The following SULT1C2 variants were observed in gnomAD, a reference collection of about 807,000 sequenced individuals.
The protein encoded by SULT1C2 is sulfotransferase 1C2.
Under a neutral mutation model 36.0 loss-of-function variants are expected in SULT1C2, and 27 were observed. That is an observed-to-expected ratio of 0.75 (90% CI 0.55 to 1.03). SULT1C2 has a LOEUF of 1.03. SULT1C2 is among the 50% of genes least tolerant of loss of function. The pLI is 0.00. For synonymous variants in SULT1C2, 121 were observed against 116.0 expected (o/e 1.04, Z -0.27); for missense variants, 395 against 359.2 (o/e 1.10, Z -0.80).
At chr2:108,294,917 A>G (rs767881857) in intron 3 of SULT1C2, among the ~76,000 whole-genome samples, 2 of 152,212 alleles carry the variant, frequency 1.3e-5, no homozygotes, top group Non-Finnish European at 2.9e-5. Context: ...TATAACCAGA[A>G]TGCTATATTT....
At position 108,308,811 on chromosome 2, in the gene SULT1C2, C is replaced by A. The variant is rs1677085017; in HGVS notation, c.*347C>A. ...CATCATAATACCTTGAGTATAAGTC[C>A]AAATATTAGGTTATATCTATATTAA... On this transcript the variant is annotated 3_prime_UTR_variant, in exon 8 of 8. Transcript: ENST00000251481. 1 of 185,018 alleles carries A rather than the reference C, an allele frequency of 5.4e-6. No individual in the cohort carries two copies. The highest frequency in any genetic ancestry group is 2.4e-5 in the African/African-American group (1 of 42,530). The allele number at this position is 185,018 out of a possible 1,614,324, so 11.5% of individuals were successfully genotyped here. A position where few individuals can be genotyped will look rare whatever the true frequency, so the allele number is the denominator to read the frequency against.
chr2:108,303,714 G>A (rs1051746251), intron 4 of SULT1C2: 1 of 152,192 alleles, frequency 6.6e-6, no homozygotes, highest in African/African-American at 2.4e-5. Context: ...TCTTGTGGGT[G>A]GGAGCAAGGG....
intron 3 of SULT1C2, chr2:108,298,937 T>C (rs1286656593): frequency 6.3e-6 from 1 of 158,494 alleles, no homozygotes; most frequent in Non-Finnish European, 1.4e-5. Flanking sequence ...TTCATATCCA[T>C]GCATGTAGTA....
intron 1 of SULT1C2, among the ~76,000 whole-genome samples, chr2:108,289,509 T>C (rs1676539573): frequency 6.6e-6 from 1 of 152,162 alleles, no homozygotes; most frequent in Non-Finnish European, 1.5e-5. Flanking sequence ...AAGCAAGTAA[T>C]TGTAGGACGT....
intron 3 of SULT1C2, chr2:108,299,594 T>C (rs1245550024): frequency 1.3e-5 from 2 of 152,196 alleles, no homozygotes; most frequent in Non-Finnish European, 1.5e-5. Context: ...CAGGAGAGCT[T>C]TGCAGTTCTT....
intron 7 of SULT1C2, among the ~76,000 whole-genome samples, chr2:108,306,553 A>G (rs1179037538): frequency 6.6e-6 from 1 of 152,184 alleles, no homozygotes; most frequent in African/African-American, 2.4e-5. Context: ...GCAGTGAGCT[A>G]GGACCTTGCC....
At position 108,309,682 on chromosome 2, in the gene SULT1C2, CTTTTT is replaced by C. The variant is rs1677108255; in HGVS notation, c.*1219_*1223del. ...TGCCCAGGCTGGTCTTAACTGACTGCTTTTTATTATTACCATGCACTGGCAATTCC... is the reference window on the plus strand; with the variant it reads ...TGCCCAGGCTGGTCTTAACTGACTGCATTATTACCATGCACTGGCAATTCC... On this transcript the variant is annotated 3_prime_UTR_variant, in exon 8 of 8. Coordinates refer to ENST00000251481, the MANE Select transcript of SULT1C2 (RefSeq NM_001056.4). 2 of 150,898 alleles carry C rather than the reference CTTTTT, an allele frequency of 1.3e-5. No homozygotes were observed. The highest frequency in any genetic ancestry group is 4.9e-5 in the African/African-American group (2 of 40,926). The allele number at this position is 150,898 out of a possible 1,614,324, so 9.3% of individuals were successfully genotyped here.
At chr2:108,297,229 T>C (rs745465354) in intron 3 of SULT1C2, among the ~76,000 whole-genome samples, 2 of 152,086 alleles carry the variant, frequency 1.3e-5, no homozygotes, top group East Asian at 1.9e-4. Context: ...GCAGATGATA[T>C]AACAACAAGC....
rs183404105 is a variant in SULT1C2, at chr2:108,306,878, C to T, written c.778+1283C>T. 1.6e-3 allele frequency among the ~76,000 whole-genome samples: 239 copies of T among 152,200 alleles called. 1 individual carries two copies. The highest frequency in any genetic ancestry group is 6.8e-3 in the Middle Eastern group (2 of 294). On this transcript the variant is annotated intron_variant, in intron 7 of 7. Transcript: ENST00000251481. ...CCAAGATCATGCCACTGTACTCCAG[C>T]CTGGTGACAAAGTGAGACTGTCTCA...
intron 7 of SULT1C2, among the ~76,000 whole-genome samples, chr2:108,306,635 T>C (rs2104425124): frequency 6.6e-6 from 1 of 151,930 alleles, no homozygotes; most frequent in East Asian, 1.9e-4. Context: ...AGGCTGGGCA[T>C]GATGGCTCAC....
At chr2:108,301,049 T>C in intron 4 of SULT1C2, 114 bp downstream of exon 4, 1 of 1,318,812 alleles carries the variant, frequency 7.6e-7, no homozygotes, top group Admixed American at 2.3e-5. Context: ...CTGTCTCTGA[T>C]GCTTACCAGC....
Position 108,309,328 on chromosome 2 carries a change from A to G in SULT1C2, c.*864A>G, listed in dbSNP as rs1371992621. ...ATTTACTCTTCAATTTCTTATTTAT[A>G]CCTCTCACTCAATTGTTAATTCTTT... is the stretch of plus-strand genomic sequence containing the variant. On this transcript the variant is annotated 3_prime_UTR_variant, in exon 8 of 8. Transcript: ENST00000251481. The G allele has an allele frequency of 7.5e-6, 1 of 133,692 alleles. No individual in the cohort carries two copies. The highest frequency in any genetic ancestry group is 1.9e-4 in the East Asian group (1 of 5,148). The allele number at this position is 133,692 out of a possible 1,614,324, so 8.3% of individuals were successfully genotyped here.
intron 5 of SULT1C2, 43 bp from the exon 6 acceptor site, chr2:108,305,128 TG>T: frequency 2.5e-6 from 4 of 1,608,018 alleles, no homozygotes; most frequent in Non-Finnish European, 3.4e-6. Flanking sequence ...GAAGGTTTTG[TG>T]TGATGCCTAT....
chr2:108,298,007 C>T (rs1057497299), intron 3 of SULT1C2, among the ~76,000 whole-genome samples: 1 of 152,152 alleles, frequency 6.6e-6, no homozygotes, highest in African/African-American at 2.4e-5. Flanking sequence ...TTACTGCCCA[C>T]AGGGCATTAA....
chr2:108,300,687 A>T, intron 3 of SULT1C2, 151 bp from the exon 4 acceptor site: 1 of 1,294,744 alleles, frequency 7.7e-7, no homozygotes, highest in Non-Finnish European at 1.0e-6. Flanking sequence ...TGAAAATTAT[A>T]TTAATAATCC....
chr2:108,308,273 T>C (rs1318461393), intron 7 of SULT1C2, 79 bp from the exon 8 acceptor site: 2 of 1,309,448 alleles, frequency 1.5e-6, no homozygotes, highest in Admixed American at 4.4e-5. Context: ...AGATTCAGTA[T>C]GGGCACTACA....
intron 3 of SULT1C2, chr2:108,299,878 G>A (rs1676829175): frequency 6.6e-6 from 1 of 152,170 alleles, no homozygotes; most frequent in Non-Finnish European, 1.5e-5. Flanking sequence ...ATATACAATG[G>A]AACATTACTC....
At position 108,309,763 on chromosome 2, in the gene SULT1C2, G is replaced by GAAAAAAAAAAAAAAAAAAAAAAAAAAAAA. The variant is rs1677111515; in HGVS notation, c.*1299_*1300insAAAAAAAAAAAAAAAAAAAAAAAAAAAAA. ...CTCCCTGAAAAAGAGAAAAAAAAAA[G>GAAAAAAAAAAAAAAAAAAAAAAAAAAAAA]GAAAAAAAGAAAAGAAAAGTGAAAA... is the stretch of plus-strand genomic sequence containing the variant. On this transcript the variant is annotated 3_prime_UTR_variant, in exon 8 of 8. Transcript: ENST00000251481. 1 of 150,140 alleles carries GAAAAAAAAAAAAAAAAAAAAAAAAAAAAA rather than the reference G, an allele frequency of 6.7e-6. No homozygotes were observed. The highest frequency in any genetic ancestry group is 1.5e-5 in the Non-Finnish European group (1 of 67,728). 9.3% of individuals were successfully genotyped at this position (150,140 alleles called of 1,614,324 possible). A position where few individuals can be genotyped will look rare whatever the true frequency, so the allele number is the denominator to read the frequency against.
At chr2:108,289,093 A>G (rs1258920723) in intron 1 of SULT1C2, 23 bp downstream of exon 1, 1 of 152,774 alleles carries the variant, frequency 6.5e-6, no homozygotes, top group East Asian at 1.9e-4. Context: ...CTTAAAAGAA[A>G]TTCTGTACCT....
Sources: allele counts gnomAD v4.1 joint callset (sites outside exome capture counted in the v4.1 genomes callset), GRCh38; gene constraint gnomAD v4.1.1; transcripts MANE v1.5; gene names NCBI Gene and HGNC (gene_info 2026-07-23, HGNC 2026-07-21).